Variants in CENPP observed in about 807,000 individuals in gnomAD.
The protein encoded by CENPP is centromere protein P.
A neutral mutation model predicts 35.6 loss-of-function variants in CENPP; 24 were observed. The ratio of observed to expected loss-of-function variants is 0.67; its 90% confidence interval spans 0.49 to 0.95. CENPP has a LOEUF of 0.95. CENPP is among the 40% of genes least tolerant of loss of function. The pLI is 0.00. For missense variants in CENPP, 332 were observed against 345.3 expected, an observed-to-expected ratio of 0.96 and a Z score of 0.31; for synonymous variants, 120 against 125.5, an observed-to-expected ratio of 0.96 and a Z score of 0.29.
At chr9:92,438,216 A>T (rs780330479) in intron 5 of CENPP, among the ~76,000 whole-genome samples, 11 of 152,096 alleles carry the variant, frequency 7.2e-5, no homozygotes, top group Non-Finnish European at 1.5e-4. Flanking sequence ...AAGTTTTATA[A>T]GTTTTATCTC....
chr9:92,525,344 C>G (rs1848326449), intron 5 of CENPP, among the ~76,000 whole-genome samples: 1 of 151,768 alleles, frequency 6.6e-6, no homozygotes, highest in African/African-American at 2.4e-5. Flanking sequence ...AAGAAAAAAC[C>G]TGAAAGACCC....
At chr9:92,448,273 CTTT>C (rs980637699) in intron 5 of CENPP, among the ~76,000 whole-genome samples, 1 of 142,782 alleles carries the variant, frequency 7.0e-6, no homozygotes, top group Non-Finnish European at 1.5e-5. Flanking sequence ...TCTCTTTTTT[CTTT>C]TTTTTTTTTT....
intron 5 of CENPP, among the ~76,000 whole-genome samples, chr9:92,571,728 G>T (rs922074087): frequency 6.6e-6 from 1 of 152,090 alleles, no homozygotes; most frequent in Non-Finnish European, 1.5e-5. Context: ...TCTCTTTGTA[G>T]GTCTCTAAGG....
At chr9:92,328,578 CAT>C (rs1324608785) in intron 1 of CENPP, among the ~76,000 whole-genome samples, 4 of 152,096 alleles carry the variant, frequency 2.6e-5, no homozygotes, top group Non-Finnish European at 5.9e-5. Flanking sequence ...GTACTTGCCT[CAT>C]AATAGTAACT....
At chr9:92,504,217 T>G (rs1846855255) in intron 5 of CENPP, among the ~76,000 whole-genome samples, 1 of 152,142 alleles carries the variant, frequency 6.6e-6, no homozygotes, top group Non-Finnish European at 1.5e-5. Context: ...GGTCCAAGAG[T>G]CTGTATTTCT....
At chr9:92,469,861 A>AT (rs1247097814) in intron 5 of CENPP, among the ~76,000 whole-genome samples, 14 of 152,144 alleles carry the variant, frequency 9.2e-5, no homozygotes, top group African/African-American at 3.4e-4. Flanking sequence ...CTTCGAAATG[A>AT]TTTTTTTGGT....
chr9:92,389,713 T>C, intron 5 of CENPP: 1 of 604,812 alleles, frequency 1.7e-6, no homozygotes, highest in Non-Finnish European at 2.8e-6. Flanking sequence ...AGGATGGTTA[T>C]TTATTATGTA....
Position 92,385,793 on chromosome 9 carries a change from G to A in CENPP, c.564+5934G>A. The A allele has an allele frequency of 6.2e-7, 1 of 1,606,530 alleles. No individual in the cohort carries two copies. Among genetic ancestry groups the A allele is most frequent in the Non-Finnish European group, 8.5e-7 (1 of 1,176,312 alleles). On this transcript the variant is annotated intron_variant, in intron 5 of 7. Coordinates refer to ENST00000375587, the MANE Select transcript of CENPP (RefSeq NM_001012267.3). Reference sequence around the variant, plus strand: ...GTAATTGAAGCTATGTTGTTGAACTGAAAAAAAACGAGGAAAACATTGTTC... The same window carrying A: ...GTAATTGAAGCTATGTTGTTGAACTAAAAAAAAACGAGGAAAACATTGTTC...
rs111861580 is a variant in CENPP, at chr9:92,523,161, G to A, written c.565-88153G>A. Among the ~76,000 whole-genome samples the A allele has an allele frequency of 2.3e-4, 35 of 151,962 alleles. 1 individual carries two copies. Among genetic ancestry groups the A allele is most frequent in the African/African-American group, 8.5e-4 (35 of 41,410 alleles). ...AGTGGTTCAGTCATGACTCACTGCA[G>A]CCTTGAACTCCTGGGCTCAAGCAGT... On this transcript the variant is annotated intron_variant, in intron 5 of 7. Coordinates refer to ENST00000375587, the MANE Select transcript of CENPP (RefSeq NM_001012267.3).
At chr9:92,384,404 C>T (rs1046487944) in intron 5 of CENPP, 3 of 152,070 alleles carry the variant, frequency 2.0e-5, no homozygotes, top group Admixed American at 6.5e-5. Context: ...AATGTTTGTA[C>T]TTTTACTTAC....
intron 5 of CENPP, among the ~76,000 whole-genome samples, chr9:92,558,312 T>A (rs539724690): frequency 6.6e-6 from 1 of 152,314 alleles, no homozygotes; most frequent in East Asian, 1.9e-4. Flanking sequence ...GTTATTCAGA[T>A]TCTTTTGTCC....
chr9:92,469,276 A>C (rs1402557183), intron 5 of CENPP, among the ~76,000 whole-genome samples: 1 of 152,180 alleles, frequency 6.6e-6, no homozygotes, highest in Non-Finnish European at 1.5e-5. Flanking sequence ...ACCAGATCTG[A>C]GCTGCCTGCA....
chr9:92,376,906 A>G (rs1049125912), intron 4 of CENPP, among the ~76,000 whole-genome samples: 1 of 151,962 alleles, frequency 6.6e-6, no homozygotes, highest in Admixed American at 6.6e-5. Flanking sequence ...TTAGCCAGGC[A>G]TCATGGCGCA....
intron 5 of CENPP, among the ~76,000 whole-genome samples, chr9:92,458,841 G>C (rs1844981839): frequency 6.6e-6 from 1 of 152,120 alleles, no homozygotes; most frequent in African/African-American, 2.4e-5. Context: ...ATTAGCACCT[G>C]CCTATATTAC....
At chr9:92,540,061 A>C (rs1264185045) in intron 5 of CENPP, among the ~76,000 whole-genome samples, 2 of 152,208 alleles carry the variant, frequency 1.3e-5, no homozygotes, top group Non-Finnish European at 2.9e-5. Flanking sequence ...AAGTGGCATA[A>C]ATTTTTAAAG....
chr9:92,332,986 C>T (rs1840803331), intron 2 of CENPP, among the ~76,000 whole-genome samples: 1 of 151,454 alleles, frequency 6.6e-6, no homozygotes, highest in Admixed American at 6.6e-5. Flanking sequence ...ATTATAAGAA[C>T]AACAGCACCA....
At chr9:92,436,240 A>G (rs925499746) in intron 5 of CENPP, among the ~76,000 whole-genome samples, 25 of 152,140 alleles carry the variant, frequency 1.6e-4, no homozygotes, top group Admixed American at 1.6e-3. Context: ...TCCTTTGCCT[A>G]TTTTCCCATT....
At chr9:92,459,889 G>A in intron 5 of CENPP, 1 of 783,674 alleles carries the variant, frequency 1.3e-6, no homozygotes, top group Non-Finnish European at 1.9e-6. Context: ...TATGTTCAAA[G>A]ATATTTCATT....
At chr9:92,421,134 G>A (rs889592038) in intron 5 of CENPP, among the ~76,000 whole-genome samples, 6 of 152,090 alleles carry the variant, frequency 3.9e-5, no homozygotes, top group African/African-American at 1.4e-4. Context: ...CCATCTCCTG[G>A]GCTCAAGTGA....
Sources: allele counts gnomAD v4.1 joint callset (sites outside exome capture counted in the v4.1 genomes callset), GRCh38; gene constraint gnomAD v4.1.1; transcripts MANE v1.5; gene names NCBI Gene and HGNC (gene_info 2026-07-23, HGNC 2026-07-21).